Variants in HDAC9 observed in about 807,000 individuals in gnomAD.
HDAC9 encodes histone deacetylase 9, also known as MEF-2 interacting transcription repressor (MITR) protein.
In HDAC9, 41 loss-of-function variants were observed where a neutral mutation model predicts 139.4. The ratio of observed to expected loss-of-function variants is 0.29; its 90% CI spans 0.23 to 0.38. HDAC9 has a LOEUF of 0.38. Ranked by LOEUF, HDAC9 falls within the 10% of genes least tolerant of loss-of-function variation. The pLI is 1.00. For synonymous variants in HDAC9, 517 were observed against 476.2 expected (o/e 1.09, Z -1.12); for missense variants, 1,147 against 1,297.0 (o/e 0.88, Z 1.78).
rs142738027 is a variant in HDAC9 at position 18,417,398 on chromosome 7, A to G, written c.-41-78864A>G. Among the ~76,000 whole-genome samples the G allele has an allele frequency of 5.2e-3, 788 of 152,136 alleles. 4 individuals are homozygous for G. Among genetic ancestry groups the G allele is most frequent in the African/African-American group, 0.018 (745 of 41,518 alleles). ...CTGTTTCAGTGCTGGATCATTTTCAATTCGTTGGCTTTTCTCCTCACTATG... is the reference window on the plus strand; with the variant it reads ...CTGTTTCAGTGCTGGATCATTTTCAGTTCGTTGGCTTTTCTCCTCACTATG... On this transcript the variant is annotated intron_variant, in intron 1 of 3. Coordinates refer to the HDAC9 transcript ENST00000413509.
chr7:18,316,074 C>T (rs985939146), intron 1 of HDAC9, among the ~76,000 whole-genome samples: 3 of 152,150 alleles, frequency 2.0e-5, no homozygotes, highest in Non-Finnish European at 4.4e-5. Context: ...AAGAGCTATA[C>T]CAGTTTTTCT....
chr7:18,962,868 T>C (rs763128824), intron 24 of HDAC9, among the ~76,000 whole-genome samples: 14 of 152,176 alleles, frequency 9.2e-5, no homozygotes, highest in African/African-American at 3.1e-4. Context: ...TTGAGACTTA[T>C]CAAGTTTAGG....
At chr7:18,894,439 C>T (rs1316048878) in intron 22 of HDAC9, among the ~76,000 whole-genome samples, 1 of 151,998 alleles carries the variant, frequency 6.6e-6, no homozygotes, top group Non-Finnish European at 1.5e-5. Flanking sequence ...GAGCACAAGC[C>T]ATTAGCTCTA....
intron 21 of HDAC9, among the ~76,000 whole-genome samples, chr7:18,854,519 C>T (rs75011153): frequency 0.01 from 1,548 of 152,002 alleles, 22 homozygotes; most frequent in Middle Eastern, 0.017. Context: ...TATGGTAATT[C>T]AGGTGTATTT....
At chr7:18,844,197 TG>T (rs1439154611) in intron 21 of HDAC9, among the ~76,000 whole-genome samples, 1 of 152,178 alleles carries the variant, frequency 6.6e-6, no homozygotes, top group African/African-American at 2.4e-5. Context: ...ATCTTTCTTG[TG>T]GGCACTGCAG....
chr7:18,977,755 GTGAT>G (rs747484548), intron 25 of HDAC9, among the ~76,000 whole-genome samples: 1 of 152,082 alleles, frequency 6.6e-6, no homozygotes, highest in African/African-American at 2.4e-5. Context: ...TATATCTATT[GTGAT>G]TGATTTTTCT....
intron 1 of HDAC9, among the ~76,000 whole-genome samples, chr7:18,446,197 A>G (rs1397480908): frequency 1.3e-5 from 2 of 152,252 alleles, no homozygotes; most frequent in Non-Finnish European, 2.9e-5. Flanking sequence ...CAGAACTTCC[A>G]CTAAAGTGAG....
intron 1 of HDAC9, among the ~76,000 whole-genome samples, chr7:18,454,136 AC>A (rs1165747596): frequency 6.6e-6 from 1 of 152,140 alleles, no homozygotes; most frequent in Non-Finnish European, 1.5e-5. Flanking sequence ...CTTAGATGTA[AC>A]AAAAAAGATC....
In HDAC9 at chr7:18,347,113, A is replaced by G. The variant is rs942338894; in HGVS notation, c.-42+56598A>G. On this transcript the variant is annotated intron_variant, in intron 1 of 3. Transcript: ENST00000413509. ...TCACAGTAACTCTTTTTAGAACACA[A>G]TACTTGGTGAAAAATAAAATTCACC... Among the ~76,000 whole-genome samples the G allele has an allele frequency of 5.3e-5, 8 of 152,330 alleles. No individual in the cohort carries two copies. The East Asian group carries it at 1.5e-3, about 29-fold the overall frequency.
At chr7:18,942,201 G>C (rs1234099110) in intron 23 of HDAC9, among the ~76,000 whole-genome samples, 1 of 152,026 alleles carries the variant, frequency 6.6e-6, no homozygotes, top group Non-Finnish European at 1.5e-5. Flanking sequence ...TAAAACCATT[G>C]TTTTTAACTA....
At chr7:18,847,211 CT>C (rs1181996870) in intron 21 of HDAC9, among the ~76,000 whole-genome samples, 20 of 152,304 alleles carry the variant, frequency 1.3e-4, no homozygotes, top group African/African-American at 4.3e-4. Flanking sequence ...AAAAACTTCA[CT>C]TTGAGGTAGT....
intron 1 of HDAC9, among the ~76,000 whole-genome samples, chr7:18,134,454 C>T (rs1785249911): frequency 6.6e-6 from 1 of 152,104 alleles, no homozygotes; most frequent in Non-Finnish European, 1.5e-5. Flanking sequence ...CTGTCATTAT[C>T]AAAATTCATG....
intron 25 of HDAC9, among the ~76,000 whole-genome samples, chr7:18,977,871 T>G (rs1401153297): frequency 1.3e-5 from 2 of 151,462 alleles, no homozygotes; most frequent in East Asian, 3.9e-4. Context: ...AACTGGCTCT[T>G]GCATTTCAAT....
chr7:18,233,670 A>T (rs965289784), intron 2 of HDAC9, among the ~76,000 whole-genome samples: 1 of 152,140 alleles, frequency 6.6e-6, no homozygotes, highest in Non-Finnish European at 1.5e-5. Flanking sequence ...GCAATATTCT[A>T]TAGCCTGTAG....
intron 1 of HDAC9, among the ~76,000 whole-genome samples, chr7:18,408,151 A>T (rs1391951257): frequency 1.2e-4 from 19 of 152,216 alleles, no homozygotes; most frequent in Non-Finnish European, 2.4e-4. Context: ...TGTTAATTTG[A>T]TGACAAAAGG....
intron 1 of HDAC9, among the ~76,000 whole-genome samples, chr7:18,131,232 G>T (rs868049748): frequency 6.6e-6 from 1 of 152,092 alleles, no homozygotes; most frequent in African/African-American, 2.4e-5. Flanking sequence ...CTCTTCCAGT[G>T]ATTTCTCAAA....
At chr7:18,627,623 G>T (rs1234403783) in intron 6 of HDAC9, among the ~76,000 whole-genome samples, 1 of 152,108 alleles carries the variant, frequency 6.6e-6, no homozygotes, top group African/African-American at 2.4e-5. Flanking sequence ...GGTGAAGTGT[G>T]TTGCCACTAC....
chr7:18,397,423 T>A (rs1787162341), intron 1 of HDAC9, among the ~76,000 whole-genome samples: 1 of 152,118 alleles, frequency 6.6e-6, no homozygotes, highest in African/African-American at 2.4e-5. Context: ...ATCAAAGCTC[T>A]TCATTAAGGC....
intron 2 of HDAC9, among the ~76,000 whole-genome samples, chr7:18,534,980 G>C (rs995854998): frequency 1.3e-5 from 2 of 152,106 alleles, no homozygotes; most frequent in Non-Finnish European, 2.9e-5. Context: ...TTGACCACTC[G>C]TCTTCCTCTG....
Sources: gnomAD v4.1 joint callset for allele counts (sites outside exome capture counted in the v4.1 genomes callset) on GRCh38, gnomAD v4.1.1 for gene constraint, MANE v1.5 for transcripts, NCBI Gene and HGNC (gene_info 2026-07-23, HGNC 2026-07-21) for gene names.